RGL1: variants seen among roughly 807,000 people sequenced by gnomAD.
The protein encoded by RGL1 is ral guanine nucleotide dissociation stimulator-like 1.
RGL1 carries 24 observed loss-of-function variants against 95.2 expected under a neutral mutation model. That is an observed-to-expected ratio of 0.25 (90% CI 0.18 to 0.35). The LOEUF (loss-of-function observed/expected upper bound fraction) is 0.35. Among genes scored for constraint, RGL1 ranks in the 10% least tolerant of loss-of-function variants. The pLI is 1.00. For synonymous variants in RGL1, 329 were observed against 344.9 expected, an observed-to-expected ratio of 0.95 and a Z score of 0.51; for missense variants, 715 against 936.3, an observed-to-expected ratio of 0.76 and a Z score of 3.08.
chr1:183,856,065 A>G (rs1049125895), intron 3 of RGL1, among the ~76,000 whole-genome samples: 1 of 152,164 alleles, frequency 6.6e-6, no homozygotes, highest in Non-Finnish European at 1.5e-5. Flanking sequence ...TATTTAGTAG[A>G]AAAACTTTCA....
At chr1:183,723,898 C>T (rs1656162237) in intron 1 of RGL1, among the ~76,000 whole-genome samples, 2 of 152,112 alleles carry the variant, frequency 1.3e-5, no homozygotes, top group Non-Finnish European at 2.9e-5. Context: ...AAAAAAGACT[C>T]CTTCTTTCTG....
chr1:183,774,975 C>T (rs534141872), intron 2 of RGL1, among the ~76,000 whole-genome samples: 37 of 152,244 alleles, frequency 2.4e-4, no homozygotes, highest in African/African-American at 8.7e-4. Flanking sequence ...GACAATGAGA[C>T]GTCAGGCCCT....
intron 1 of RGL1, among the ~76,000 whole-genome samples, chr1:183,695,192 C>T (rs936560116): frequency 2.0e-5 from 3 of 152,210 alleles, no homozygotes; most frequent in Admixed American, 6.5e-5. Context: ...GGCTTGACAG[C>T]GAGGATGCCA....
chr1:183,908,402 T>C (rs908273534), intron 14 of RGL1, among the ~76,000 whole-genome samples: 2 of 152,138 alleles, frequency 1.3e-5, no homozygotes, highest in Non-Finnish European at 2.9e-5. Flanking sequence ...TATGAGGCAT[T>C]GTGGGTGGGT....
At chr1:183,764,139 G>A (rs953633777) in intron 2 of RGL1, among the ~76,000 whole-genome samples, 20 of 152,204 alleles carry the variant, frequency 1.3e-4, no homozygotes, top group Non-Finnish European at 4.4e-5. Flanking sequence ...CACAACACCA[G>A]GACTTCAGTC....
intron 3 of RGL1, among the ~76,000 whole-genome samples, chr1:183,856,280 C>CACACAT (rs1292576777): frequency 1.3e-5 from 2 of 151,830 alleles, no homozygotes; most frequent in Non-Finnish European, 1.5e-5. Context: ...ATGGGTTACA[C>CACACAT]ACACATACAC....
At chr1:183,872,965 C>T (rs1666269830) in intron 4 of RGL1, among the ~76,000 whole-genome samples, 1 of 151,950 alleles carries the variant, frequency 6.6e-6, no homozygotes. Context: ...AGTGATATGC[C>T]ATATCGAAGA....
chr1:183,717,434 GTAA>G (rs1188262011), intron 1 of RGL1, among the ~76,000 whole-genome samples: 2 of 152,094 alleles, frequency 1.3e-5, no homozygotes, highest in Admixed American at 6.5e-5. Flanking sequence ...TTTATGTTTA[GTAA>G]TAATTTATGA....
intron 1 of RGL1, among the ~76,000 whole-genome samples, chr1:183,641,614 A>T (rs1042054456): frequency 6.6e-6 from 1 of 152,076 alleles, no homozygotes; most frequent in Non-Finnish European, 1.5e-5. Context: ...CCATAGTTTT[A>T]TTTATTTGTG....
intron 1 of RGL1, among the ~76,000 whole-genome samples, chr1:183,686,375 C>G (rs1476550510): frequency 6.6e-6 from 1 of 152,096 alleles, no homozygotes; most frequent in African/African-American, 2.4e-5. Flanking sequence ...GAGGTAGGGG[C>G]ACCCCATCTT....
chr1:183,804,539 C>G (rs984489633), upstream of RGL1, among the ~76,000 whole-genome samples: 6 of 152,184 alleles, frequency 3.9e-5, no homozygotes, highest in East Asian at 1.2e-3. Flanking sequence ...AGGACACTGT[C>G]AGTCCTAGCA....
intron 1 of RGL1, among the ~76,000 whole-genome samples, chr1:183,657,011 C>CA (rs1278009517): frequency 0.47 from 58,866 of 124,432 alleles, 13,894 homozygotes; most frequent in East Asian, 0.73. Flanking sequence ...AAAATCGACT[C>CA]AAAAAAAAAA....
At chr1:183,648,441 C>T in intron 1 of RGL1, 1 of 1,614,158 alleles carries the variant, frequency 6.2e-7, no homozygotes, top group African/African-American at 1.3e-5. Flanking sequence ...ATGCCTGATG[C>T]TGTCATTATT....
chr1:183,804,150 A>T (rs1328549450), upstream of RGL1, among the ~76,000 whole-genome samples: 1 of 151,890 alleles, frequency 6.6e-6, no homozygotes, highest in Non-Finnish European at 1.5e-5. Flanking sequence ...ATTTACCATT[A>T]ACCAAAACCC....
At chr1:183,846,371 C>T (rs947475720) in intron 2 of RGL1, among the ~76,000 whole-genome samples, 6 of 151,080 alleles carry the variant, frequency 4.0e-5, no homozygotes, top group Middle Eastern at 3.4e-3. Context: ...GAGAGGGGAA[C>T]GTCACACATG....
intron 2 of RGL1, among the ~76,000 whole-genome samples, chr1:183,823,381 T>G (rs1662629056): frequency 6.6e-6 from 1 of 152,212 alleles, no homozygotes; most frequent in Admixed American, 6.5e-5. Context: ...TTAATTTTAT[T>G]AGTCTTAGCT....
intron 1 of RGL1, among the ~76,000 whole-genome samples, chr1:183,682,895 T>G (rs1653318308): frequency 6.6e-6 from 1 of 152,256 alleles, no homozygotes; most frequent in Admixed American, 6.5e-5. Context: ...GCTCTTCTTG[T>G]TGCATTGATC....
chr1:183,842,905 A>T (rs1664162305), intron 2 of RGL1, among the ~76,000 whole-genome samples: 1 of 152,250 alleles, frequency 6.6e-6, no homozygotes, highest in African/African-American at 2.4e-5. Flanking sequence ...GCAAAAATGA[A>T]ACTTTTAACA....
At chr1:183,710,185 C>T in intron 1 of RGL1, 1 of 232,976 alleles carries the variant, frequency 4.3e-6, no homozygotes, top group South Asian at 5.5e-5. Context: ...GCAGGTGGTC[C>T]ACTCGGTACT....
Sources: allele counts gnomAD v4.1 joint callset (sites outside exome capture counted in the v4.1 genomes callset), GRCh38; gene constraint gnomAD v4.1.1; transcripts MANE v1.5; gene names NCBI Gene and HGNC (gene_info 2026-07-23, HGNC 2026-07-21).